SLC24A3: variants seen among roughly 807,000 people sequenced by gnomAD.
The protein encoded by SLC24A3 is sodium/potassium/calcium exchanger 3.
Under a neutral mutation model 75.8 loss-of-function variants are expected in SLC24A3, and 28 were observed. The ratio of observed to expected loss-of-function variants is 0.37; its 90% CI spans 0.27 to 0.51. The LOEUF (loss-of-function observed/expected upper bound fraction) is 0.51, where lower values mean the gene tolerates loss of function less well. Among genes scored for constraint, SLC24A3 ranks in the 20% least tolerant of loss-of-function variants. SLC24A3 has a pLI of 0.94. For missense variants in SLC24A3, 663 were observed against 847.8 expected, an observed-to-expected ratio of 0.78 and a Z score of 2.71; for synonymous variants, 372 against 334.1, an observed-to-expected ratio of 1.11 and a Z score of -1.24.
chr20:19,364,503 T>G (rs1985849846), intron 2 of SLC24A3, among the ~76,000 whole-genome samples: 1 of 151,728 alleles, frequency 6.6e-6, no homozygotes, highest in South Asian at 2.1e-4. Flanking sequence ...TCACCCAGGC[T>G]GGAGGGCAGT....
chr20:19,231,242 C>G (rs377665945), intron 1 of SLC24A3, among the ~76,000 whole-genome samples: 25 of 150,644 alleles, frequency 1.7e-4, no homozygotes, highest in African/African-American at 6.0e-4. Flanking sequence ...GGAAGTTAGA[C>G]AAGGAGCTAC....
intron 2 of SLC24A3, among the ~76,000 whole-genome samples, chr20:19,334,523 G>A (rs1324257107): frequency 6.6e-6 from 1 of 152,034 alleles, no homozygotes; most frequent in East Asian, 1.9e-4. Context: ...CTTTTTCACT[G>A]GTAAAGTTGG....
chr20:19,628,351 A>G (rs757022035), intron 6 of SLC24A3, among the ~76,000 whole-genome samples: 6 of 152,166 alleles, frequency 3.9e-5, no homozygotes, highest in African/African-American at 1.2e-4. Flanking sequence ...TCCTTCCCCC[A>G]TGGAGACATT....
At chr20:19,337,558 T>C (rs1985164862) in intron 2 of SLC24A3, among the ~76,000 whole-genome samples, 1 of 152,264 alleles carries the variant, frequency 6.6e-6, no homozygotes, top group African/African-American at 2.4e-5. Flanking sequence ...GGACTTGTTA[T>C]GAGCTCAGAA....
chr20:19,701,975 TTA>T (rs1169881268), intron 15 of SLC24A3, among the ~76,000 whole-genome samples: 2 of 152,240 alleles, frequency 1.3e-5, no homozygotes, highest in African/African-American at 2.4e-5. Flanking sequence ...ATGTTATTTC[TTA>T]TTTTACTTTG....
rs376955712 is a variant in SLC24A3, at chr20:19,716,884, A to G, written c.1720-644A>G. Among the ~76,000 whole-genome samples, 39 of 152,256 alleles carry G rather than the reference A, an allele frequency of 2.6e-4. 1 individual carries two copies. The South Asian group carries it at 6.4e-3, about 25-fold the overall frequency. ...GTGAAACCCTGTCTCAAAAAAAAAG[A>G]AGGAACTCCAAATATGCTTCTCTTT... is the stretch of plus-strand genomic sequence containing the variant. On this transcript the variant is annotated intron_variant, in intron 15 of 16. Transcript: ENST00000328041.
chr20:19,578,342 T>TGCATGTGTGTGTGTGC (rs766120740), intron 3 of SLC24A3, among the ~76,000 whole-genome samples: 14 of 151,738 alleles, frequency 9.2e-5, no homozygotes, highest in Non-Finnish European at 1.9e-4. Flanking sequence ...CGTGTGTGTG[T>TGCATGTGTGTGTGTGC]GCATGTGTGT....
intron 6 of SLC24A3, among the ~76,000 whole-genome samples, chr20:19,600,432 A>G (rs927713796): frequency 1.8e-4 from 27 of 152,202 alleles, no homozygotes; most frequent in African/African-American, 6.5e-4. Context: ...ATATCTCCTT[A>G]ATTTTTATGA....
In SLC24A3 at chr20:19,663,198, G is replaced by T. The variant is rs146335084; in HGVS notation, c.688-2666G>T. Among the ~76,000 whole-genome samples the T allele has an allele frequency of 3.6e-3, 542 of 151,954 alleles. 1 individual carries two copies. The highest frequency in any genetic ancestry group is 0.013 in the African/African-American group (525 of 41,444). On this transcript the variant is annotated intron_variant, in intron 7 of 16. Transcript: ENST00000328041. ...TTCTCCCACCTTGATCTCCCAAGGT[G>T]CTAGGATTGCAGGCATGAGCCACTG...
At chr20:19,266,966 A>G (rs74808411) in intron 1 of SLC24A3, among the ~76,000 whole-genome samples, 1,589 of 152,308 alleles carry the variant, frequency 0.01, 31 homozygotes, top group African/African-American at 0.036. Flanking sequence ...TCTCAATATT[A>G]CATAAACTTC....
intron 2 of SLC24A3, among the ~76,000 whole-genome samples, chr20:19,455,080 A>C (rs1384832145): frequency 6.6e-6 from 1 of 152,102 alleles, no homozygotes; most frequent in African/African-American, 2.4e-5. Flanking sequence ...CTCATATTTC[A>C]TGCCCATTCC....
chr20:19,701,962 A>G (rs2032879514), intron 15 of SLC24A3, among the ~76,000 whole-genome samples: 1 of 152,218 alleles, frequency 6.6e-6, no homozygotes, highest in Non-Finnish European at 1.5e-5. Flanking sequence ...CTTCAGATCC[A>G]TGATGTTATT....
intron 2 of SLC24A3, among the ~76,000 whole-genome samples, chr20:19,480,524 G>A (rs1488140375): frequency 6.6e-6 from 1 of 152,110 alleles, no homozygotes; most frequent in East Asian, 1.9e-4. Flanking sequence ...AACTAGTTGG[G>A]GTCTTGCCTA....
At chr20:19,648,474 C>G (rs58842430) in intron 6 of SLC24A3, among the ~76,000 whole-genome samples, 20,690 of 151,362 alleles carry the variant, frequency 0.14, 1,475 homozygotes, top group Non-Finnish European at 0.15. Flanking sequence ...AAAGCAAATA[C>G]TCACAAATCG....
At position 19,372,339 on chromosome 20, in the gene SLC24A3, A is replaced by T. The variant is rs570418306; in HGVS notation, c.271+91252A>T. Among the ~76,000 whole-genome samples, 10 of 152,342 alleles carry T rather than the reference A, an allele frequency of 6.6e-5. No individual in the cohort carries two copies. The South Asian group carries it at 2.1e-3, about 32-fold the overall frequency. ...AAAGGAATCATTTCAAGACAAGTGA[A>T]GCCTCATGAGGTACACAAGAAAGAC... is the stretch of plus-strand genomic sequence containing the variant. On this transcript the variant is annotated intron_variant, in intron 2 of 16. Transcript: ENST00000328041.
chr20:19,471,766 C>T (rs1263258643), intron 2 of SLC24A3, among the ~76,000 whole-genome samples: 3 of 152,132 alleles, frequency 2.0e-5, no homozygotes, highest in African/African-American at 7.2e-5. Context: ...CTGATGTCCC[C>T]TGCAGCACTG....
At chr20:19,508,199 G>C (rs1358448353) in intron 2 of SLC24A3, among the ~76,000 whole-genome samples, 1 of 152,184 alleles carries the variant, frequency 6.6e-6, no homozygotes. Flanking sequence ...ACAGATGAAA[G>C]CACGTGAAAC....
intron 16 of SLC24A3, among the ~76,000 whole-genome samples, chr20:19,718,924 G>T (rs1423944127): frequency 6.6e-6 from 1 of 152,220 alleles, no homozygotes; most frequent in Non-Finnish European, 1.5e-5. Context: ...ACACAAAAGA[G>T]AGAAGAGCCC....
At chr20:19,335,982 A>G (rs570122024) in intron 2 of SLC24A3, among the ~76,000 whole-genome samples, 62 of 152,302 alleles carry the variant, frequency 4.1e-4, no homozygotes, top group African/African-American at 1.2e-3. Flanking sequence ...TTCTTAACAC[A>G]ACATCTCTGG....
Sources: gnomAD v4.1 joint callset for allele counts (sites outside exome capture counted in the v4.1 genomes callset) on GRCh38, gnomAD v4.1.1 for gene constraint, MANE v1.5 for transcripts, NCBI Gene and HGNC (gene_info 2026-07-23, HGNC 2026-07-21) for gene names.